Variants in TDRD3 observed in about 807,000 individuals in gnomAD.
TDRD3 encodes the protein tudor domain containing 3, also known as tudor domain-containing protein 3.
In TDRD3, 45 loss-of-function variants were observed where a neutral mutation model predicts 86.7. That is an observed-to-expected ratio of 0.52 (90% CI 0.41 to 0.67). The LOEUF is 0.67. Among genes scored for constraint, TDRD3 ranks in the 30% least tolerant of loss-of-function variants. The pLI, the probability that TDRD3 is intolerant of heterozygous loss-of-function variation, is 0.00. For synonymous variants in TDRD3, 298 were observed against 301.7 expected, an observed-to-expected ratio of 0.99 and a Z score of 0.13; for missense variants, 814 against 889.0, an observed-to-expected ratio of 0.92 and a Z score of 1.07.
At chr13:60,498,787 A>T (rs1294103217) in intron 8 of TDRD3, among the ~76,000 whole-genome samples, 1 of 152,116 alleles carries the variant, frequency 6.6e-6, no homozygotes, top group East Asian at 1.9e-4. Flanking sequence ...AAGAGAAATG[A>T]TCAAACGTTT....
At chr13:60,510,802 C>CTTTTTTTTTTTTTTTTTTTTTTTT (rs370448567) in intron 10 of TDRD3, 47 bp downstream of exon 10, 6 of 1,204,406 alleles carry the variant, frequency 5.0e-6, no homozygotes, top group African/African-American at 3.5e-5. Context: ...TCTTTTCTTT[C>CTTTTTTTTTTTTTTTTTTTTTTTT]TTTTTTTTTT....
At chr13:60,556,249 A>AT (rs1958182244) in intron 12 of TDRD3, among the ~76,000 whole-genome samples, 1 of 152,318 alleles carries the variant, frequency 6.6e-6, no homozygotes, top group African/African-American at 2.4e-5. Flanking sequence ...TTGGTTCAAG[A>AT]TTAAGGTACA....
chr13:60,477,940 A>G (rs978029043), intron 5 of TDRD3, among the ~76,000 whole-genome samples: 1 of 152,212 alleles, frequency 6.6e-6, no homozygotes, highest in African/African-American at 2.4e-5. Flanking sequence ...CAGTTTCGGT[A>G]GGATTGGTAT....
rs768725833 is a variant in TDRD3 at position 60,528,505 on chromosome 13, C to T, written c.1280C>T (p.Pro427Leu). 1 of 1,613,962 alleles carries T rather than the reference C, an allele frequency of 6.2e-7. No individual in the cohort carries two copies. Among genetic ancestry groups the T allele is most frequent in the Non-Finnish European group, 8.5e-7 (1 of 1,179,930 alleles). The change falls in exon 11 of 14, where the codon CCT becomes CTT. Residue 427 changes from proline to leucine, a missense_variant. By Grantham distance (98) the Pro-to-Leu change is moderately conservative (BLOSUM62 -3). Transcript: ENST00000377881. ...AGGCAGCCAAGAAATGAAAAACCGC[C>T]TCGTTTTCAAAGAGACTCCCAAAAT... ...DTRQPRNEKP[P>L]RFQRDSQNSK...
chr13:60,545,636 G>C (rs564503782), intron 12 of TDRD3, among the ~76,000 whole-genome samples: 1 of 152,068 alleles, frequency 6.6e-6, no homozygotes, highest in East Asian at 1.9e-4. Context: ...ATAATGTGGA[G>C]AATGTACACG....
At chr13:60,431,511 G>A (rs1954952217) in intron 1 of TDRD3, among the ~76,000 whole-genome samples, 1 of 151,442 alleles carries the variant, frequency 6.6e-6, no homozygotes, top group Non-Finnish European at 1.5e-5. Flanking sequence ...TTTTTTGTTT[G>A]GCTACTGAAA....
At chr13:60,440,995 A>G (rs1223383312) in intron 2 of TDRD3, among the ~76,000 whole-genome samples, 1 of 152,180 alleles carries the variant, frequency 6.6e-6, no homozygotes, top group Non-Finnish European at 1.5e-5. Flanking sequence ...TATGTCCTAC[A>G]CTGAGTCATC....
At chr13:60,518,234 G>A (rs1009010438) in intron 10 of TDRD3, among the ~76,000 whole-genome samples, 2 of 152,136 alleles carry the variant, frequency 1.3e-5, no homozygotes, top group Non-Finnish European at 2.9e-5. Flanking sequence ...GTCTGTAAGT[G>A]CTCCCAGCCC....
chr13:60,408,343 G>A (rs865803405), intron 1 of TDRD3, among the ~76,000 whole-genome samples: 2 of 152,202 alleles, frequency 1.3e-5, no homozygotes, highest in Non-Finnish European at 2.9e-5. Flanking sequence ...GTGGGGCATT[G>A]CTGAAAAGAT....
intron 11 of TDRD3, among the ~76,000 whole-genome samples, chr13:60,531,570 G>A (rs1042731686): frequency 1.3e-5 from 2 of 152,168 alleles, no homozygotes; most frequent in African/African-American, 4.8e-5. Flanking sequence ...CGTTCAAAAT[G>A]TTTGAAAGCC....
At chr13:60,538,446 A>G (rs1435244266) in intron 12 of TDRD3, among the ~76,000 whole-genome samples, 1 of 151,080 alleles carries the variant, frequency 6.6e-6, no homozygotes, top group Non-Finnish European at 1.5e-5. Flanking sequence ...ATTGCAGTGA[A>G]CTTTCTAGTT....
At chr13:60,535,422 T>C (rs989147527) in intron 12 of TDRD3, 189 bp downstream of exon 12, 8 of 478,160 alleles carry the variant, frequency 1.7e-5, no homozygotes, top group Non-Finnish European at 2.2e-5. Flanking sequence ...AATGAATGCA[T>C]TGAATTACTT....
intron 8 of TDRD3, among the ~76,000 whole-genome samples, chr13:60,508,898 A>G (rs1429304698): frequency 6.6e-6 from 1 of 152,198 alleles, no homozygotes; most frequent in Non-Finnish European, 1.5e-5. Flanking sequence ...AGGAAAATTT[A>G]GCCCATTCAC....
intron 3 of TDRD3, among the ~76,000 whole-genome samples, chr13:60,445,787 C>CT (rs1955383710): frequency 6.6e-6 from 1 of 152,168 alleles, no homozygotes; most frequent in Non-Finnish European, 1.5e-5. Context: ...AAAGCAGTGT[C>CT]TGTACATCCT....
intron 12 of TDRD3, among the ~76,000 whole-genome samples, chr13:60,558,993 A>G (rs1239916645): frequency 7.4e-5 from 11 of 149,490 alleles, no homozygotes; most frequent in Non-Finnish European, 1.0e-4. Context: ...GTTGAAAGCA[A>G]TTTGAAGAAT....
At chr13:60,501,350 G>A (rs905430734) in intron 8 of TDRD3, among the ~76,000 whole-genome samples, 1 of 152,124 alleles carries the variant, frequency 6.6e-6, no homozygotes, top group African/African-American at 2.4e-5. Flanking sequence ...GCATTGTTCT[G>A]TCTACAGCAC....
At chr13:60,545,977 C>T (rs1957932543) in intron 12 of TDRD3, among the ~76,000 whole-genome samples, 1 of 151,992 alleles carries the variant, frequency 6.6e-6, no homozygotes, top group Non-Finnish European at 1.5e-5. Flanking sequence ...TTTTATTCAT[C>T]TTATGCGTGT....
At chr13:60,529,947 AG>A (rs1409908881) in intron 11 of TDRD3, among the ~76,000 whole-genome samples, 1 of 152,044 alleles carries the variant, frequency 6.6e-6, no homozygotes, top group Non-Finnish European at 1.5e-5. Context: ...ATCAGAGAGA[AG>A]GGGACTTTGC....
chr13:60,460,429 C>T lies in TDRD3; in HGVS notation c.242C>T (p.Ala81Val). Residue 81 changes from alanine (A) to valine (V), a missense_variant, in exon 4 of 14, where the codon GCA becomes GTA. Coordinates refer to ENST00000377881, the MANE Select transcript of TDRD3 (RefSeq NM_001146070.2). ...ATTCAAAAAATTCGCAATGTTGCTGCACCAAAGGATAATGAAGAATCTCAG... is the reference window on the plus strand; with the variant it reads ...ATTCAAAAAATTCGCAATGTTGCTGTACCAAAGGATAATGAAGAATCTCAG... ...LQIQKIRNVA[A>V]PKDNEESQAA... 6.2e-7 allele frequency: 1 copy of T among 1,604,696 alleles called. No individual in the cohort carries two copies. The highest frequency in any genetic ancestry group is 1.7e-4 in the Middle Eastern group (1 of 6,038).
Sources: gnomAD v4.1 joint callset for allele counts (sites outside exome capture counted in the v4.1 genomes callset) on GRCh38, gnomAD v4.1.1 for gene constraint, MANE v1.5 for transcripts, NCBI Gene and HGNC (gene_info 2026-07-23, HGNC 2026-07-21) for gene names.